Variants in GLI2 observed in about 807,000 individuals in gnomAD.
GLI2 encodes the protein GLI family zinc finger 2.
Under a neutral mutation model 78.9 loss-of-function variants are expected in GLI2, and 22 were observed. The ratio of observed to expected loss-of-function variants is 0.28; its 90% CI spans 0.20 to 0.40. The LOEUF is 0.40. Among genes scored for constraint, GLI2 ranks in the 10% least tolerant of loss-of-function variants. The pLI, the probability that GLI2 is intolerant of heterozygous loss-of-function variation, is 1.00. For missense variants in GLI2, 2,097 were observed against 2,213.2 expected, an observed-to-expected ratio of 0.95 and a Z score of 1.05; for synonymous variants, 974 against 963.7, an observed-to-expected ratio of 1.01 and a Z score of -0.20.
At chr2:120,948,667 T>C (rs761892414) in intron 3 of GLI2, among the ~76,000 whole-genome samples, 1 of 152,186 alleles carries the variant, frequency 6.6e-6, no homozygotes, top group Non-Finnish European at 1.5e-5. Context: ...GCCTGCTGTG[T>C]GGCCTCACCA....
At position 120,927,470 on chromosome 2, in the gene GLI2, A is replaced by G; in HGVS notation, c.254+4A>G. On this transcript the variant is annotated splice_donor_region_variant and intron_variant, in intron 3 of 13. Coordinates refer to ENST00000361492, the MANE Select transcript of GLI2 (RefSeq NM_001374353.1). ...ATTCTGTCCACGGTGTGCACGGGTA[A>G]GTCCTGCCCTCTGCCTGCTGCTCCT... 7 of 1,594,602 alleles carry G rather than the reference A, an allele frequency of 4.4e-6. No individual in the cohort carries two copies. The South Asian group carries it at 7.7e-5, about 18-fold the overall frequency.
chr2:120,889,631 G>A (rs956833837), intron 2 of GLI2, among the ~76,000 whole-genome samples: 1 of 151,918 alleles, frequency 6.6e-6, no homozygotes, highest in African/African-American at 2.4e-5. Context: ...AAACTCAACA[G>A]TAAAAAAGAA....
intron 6 of GLI2, among the ~76,000 whole-genome samples, chr2:120,969,869 G>A (rs546300058): frequency 2.6e-5 from 4 of 152,190 alleles, no homozygotes; most frequent in African/African-American, 9.7e-5. Context: ...GTCTTTTACG[G>A]CCCAACCACA....
chr2:120,856,256 G>A (rs1393686934), intron 2 of GLI2, among the ~76,000 whole-genome samples: 1 of 152,172 alleles, frequency 6.6e-6, no homozygotes, highest in African/African-American at 2.4e-5. Context: ...TGAGGGCAGG[G>A]GGTGCCCACC....
rs1680970986 is a variant in GLI2 at position 120,951,243 on chromosome 2, G to T, written c.255G>T (p.Gly85=). The change falls in exon 4 of 14, where the codon GGG becomes GGT. Residue 85 remains glycine, a splice_region_variant and synonymous_variant. Coordinates refer to ENST00000361492, the MANE Select transcript of GLI2 (RefSeq NM_001374353.1). Reference sequence around the variant, plus strand: ...AGACGGCTGCCCATTGTCTCTGCAGGCCCCCTGCCCTCAGCGGCAGCCCTG... The same window carrying T: ...AGACGGCTGCCCATTGTCTCTGCAGTCCCCCTGCCCTCAGCGGCAGCCCTG... The part of the protein sequence containing the change: ...YEPHSVHGVH[G]PPALSGSPVI... 1 of 1,587,850 alleles carries T rather than the reference G, an allele frequency of 6.3e-7. No individual in the cohort carries two copies. Among genetic ancestry groups the T allele is most frequent in the Middle Eastern group, 1.7e-4 (1 of 5,996 alleles).
chr2:120,829,276 GT>G (rs1473703203), intron 2 of GLI2, among the ~76,000 whole-genome samples: 1 of 152,246 alleles, frequency 6.6e-6, no homozygotes, highest in Non-Finnish European at 1.5e-5. Flanking sequence ...CTCAGAGCAT[GT>G]TAGTACTTCC....
At chr2:120,882,565 A>G (rs1677206369) in intron 2 of GLI2, among the ~76,000 whole-genome samples, 1 of 152,252 alleles carries the variant, frequency 6.6e-6, no homozygotes, top group Non-Finnish European at 1.5e-5. Context: ...GCCGACAAGC[A>G]CTGGCAGCAG....
At chr2:120,817,635 G>A (rs188072439) in intron 2 of GLI2, among the ~76,000 whole-genome samples, 10 of 152,206 alleles carry the variant, frequency 6.6e-5, no homozygotes, top group Admixed American at 2.6e-4. Flanking sequence ...GAAACTCATC[G>A]CGGGGGCACC....
chr2:120,937,083 G>A (rs574450315), intron 3 of GLI2, among the ~76,000 whole-genome samples: 1 of 152,226 alleles, frequency 6.6e-6, no homozygotes, highest in Admixed American at 6.5e-5. Flanking sequence ...TGTACACTTG[G>A]CCTGTGCTGC....
At chr2:120,911,719 C>T (rs1448687733) in intron 2 of GLI2, among the ~76,000 whole-genome samples, 4 of 151,768 alleles carry the variant, frequency 2.6e-5, no homozygotes, top group Admixed American at 6.6e-5. Flanking sequence ...CGTCTGCCTG[C>T]GGTGGAGGGG....
intron 2 of GLI2, among the ~76,000 whole-genome samples, chr2:120,833,704 C>T (rs1686475276): frequency 6.6e-6 from 1 of 152,180 alleles, no homozygotes; most frequent in Non-Finnish European, 1.5e-5. Context: ...CGCTTCTGGT[C>T]ATCAACAGGA....
chr2:120,781,900 T>C (rs1469064514), intron 1 of GLI2, among the ~76,000 whole-genome samples: 2 of 151,354 alleles, frequency 1.3e-5, no homozygotes, highest in Non-Finnish European at 2.9e-5. Context: ...AAAAAGAACA[T>C]TACCAAAAAT....
intron 4 of GLI2, among the ~76,000 whole-genome samples, chr2:120,954,641 A>G (rs1681153362): frequency 6.6e-6 from 1 of 152,118 alleles, no homozygotes; most frequent in Admixed American, 6.5e-5. Context: ...CACCCTGCTG[A>G]GGGCCAGCCT....
At chr2:120,753,292 C>T (rs945219912) in intron 1 of GLI2, among the ~76,000 whole-genome samples, 2 of 152,008 alleles carry the variant, frequency 1.3e-5, no homozygotes, top group East Asian at 1.9e-4. Context: ...GACAGGGTTT[C>T]GCCATGTTGG....
intron 1 of GLI2, among the ~76,000 whole-genome samples, chr2:120,754,403 A>C (rs538433096): frequency 2.0e-5 from 3 of 152,246 alleles, no homozygotes; most frequent in East Asian, 3.9e-4. Flanking sequence ...CATCATCCGC[A>C]GAAGTTTCCT....
intron 3 of GLI2, among the ~76,000 whole-genome samples, chr2:120,935,142 G>A (rs1182976162): frequency 6.6e-6 from 1 of 152,198 alleles, no homozygotes; most frequent in African/African-American, 2.4e-5. Flanking sequence ...TCAGAGCCTA[G>A]AGGAAGGAGG....
chr2:120,804,611 G>A (rs921793573), intron 2 of GLI2, among the ~76,000 whole-genome samples: 1 of 152,158 alleles, frequency 6.6e-6, no homozygotes, highest in African/African-American at 2.4e-5. Flanking sequence ...GACTAAGTGG[G>A]CAATTACTCT....
At chr2:120,739,783 A>C (rs1284154180) in intron 1 of GLI2, among the ~76,000 whole-genome samples, 1 of 152,276 alleles carries the variant, frequency 6.6e-6, no homozygotes, top group Non-Finnish European at 1.5e-5. Flanking sequence ...AGAGAGAAAC[A>C]GTGTTTTCAG....
intron 1 of GLI2, among the ~76,000 whole-genome samples, chr2:120,742,142 AC>A (rs1180990460): frequency 6.6e-6 from 1 of 152,204 alleles, no homozygotes; most frequent in Non-Finnish European, 1.5e-5. Flanking sequence ...GGCGTCTGAA[AC>A]TTTTTCTGTA....
Sources: gnomAD v4.1 joint callset for allele counts (sites outside exome capture counted in the v4.1 genomes callset) on GRCh38, gnomAD v4.1.1 for gene constraint, MANE v1.5 for transcripts, NCBI Gene and HGNC (gene_info 2026-07-23, HGNC 2026-07-21) for gene names.